Variants in RBFOX1 observed in about 807,000 individuals in gnomAD.
RBFOX1 encodes RNA binding fox-1 homolog 1.
A neutral mutation model predicts 57.7 loss-of-function variants in RBFOX1; 8 were observed. That is an observed-to-expected ratio of 0.14 (90% CI 0.08 to 0.25). The LOEUF (loss-of-function observed/expected upper bound fraction) is 0.25. Among genes scored for constraint, RBFOX1 ranks in the 10% least tolerant of loss-of-function variants. The pLI, the probability that RBFOX1 is intolerant of heterozygous loss-of-function variation, is 1.00. For synonymous variants in RBFOX1, 326 were observed against 222.4 expected, an observed-to-expected ratio of 1.47 and a Z score of -4.15; for missense variants, 611 against 548.5, an observed-to-expected ratio of 1.11 and a Z score of -1.14.
chr16:6,478,429 A>ATATATATATATATTTTTT (rs1159954387), intron 2 of RBFOX1, among the ~76,000 whole-genome samples: 1 of 24,612 alleles, frequency 4.1e-5, no homozygotes, highest in Non-Finnish European at 7.8e-5. Context: ...ATATATATAT[A>ATATATATATATATTTTTT]TTTTTTTTTT....
chr16:6,093,475 A>G (rs961248450), intron 1 of RBFOX1, among the ~76,000 whole-genome samples: 3 of 152,168 alleles, frequency 2.0e-5, no homozygotes, highest in Non-Finnish European at 4.4e-5. Flanking sequence ...AGGATACTCA[A>G]TATACTAGGA....
intron 1 of RBFOX1, among the ~76,000 whole-genome samples, chr16:6,205,399 G>C (rs748492721): frequency 1.3e-5 from 2 of 152,216 alleles, no homozygotes; most frequent in Non-Finnish European, 2.9e-5. Flanking sequence ...CAAGGTTGTC[G>C]TGACAAAGTA....
rs150581128 is a variant in RBFOX1, at chr16:6,634,491, T to A, written c.-63-20112T>A. On this transcript the variant is annotated intron_variant, in intron 2 of 15. Coordinates refer to ENST00000550418, the MANE Select transcript of RBFOX1 (RefSeq NM_018723.4). ...TAATATAATAGATGATACATACTTA[T>A]ATAATATTATATCCATTTAATAGAA... is the stretch of plus-strand genomic sequence containing the variant. Among the ~76,000 whole-genome samples the A allele has an allele frequency of 2.8e-3, 425 of 149,664 alleles. 1 individual carries two copies. Among genetic ancestry groups the A allele is most frequent in the East Asian group, 5.8e-3 (30 of 5,144 alleles).
intron 2 of RBFOX1, among the ~76,000 whole-genome samples, chr16:5,512,646 A>G (rs2043644332): frequency 6.6e-6 from 1 of 152,196 alleles, no homozygotes; most frequent in Non-Finnish European, 1.5e-5. Flanking sequence ...GTTTAGGTTC[A>G]TAAAAAGTTA....
chr16:6,783,157 A>G (rs117719116), intron 3 of RBFOX1, among the ~76,000 whole-genome samples: 1,937 of 150,724 alleles, frequency 0.013, 21 homozygotes, highest in Non-Finnish European at 0.019. Context: ...TAGGCAGCAT[A>G]TAGTTGGGTC....
intron 1 of RBFOX1, among the ~76,000 whole-genome samples, chr16:6,167,418 T>C (rs757862158): frequency 2.0e-5 from 3 of 152,238 alleles, no homozygotes; most frequent in Non-Finnish European, 4.4e-5. Context: ...GTTTAAGTGC[T>C]AACGGTAGCT....
At chr16:7,340,551 AAGTCAAGAC>A in intron 4 of RBFOX1, among the ~76,000 whole-genome samples, 1 of 152,224 alleles carries the variant, frequency 6.6e-6, no homozygotes, top group Non-Finnish European at 1.5e-5. Flanking sequence ...CAACCTAGGG[AAGTCAAGAC>A]AGTCCAACCA....
chr16:6,193,282 A>T (rs1264416882), intron 1 of RBFOX1, among the ~76,000 whole-genome samples: 2 of 149,496 alleles, frequency 1.3e-5, no homozygotes, highest in African/African-American at 4.9e-5. Context: ...GGGCTGGCCA[A>T]TCAGATTATC....
At chr16:7,328,704 T>A (rs1342739984) in intron 4 of RBFOX1, 1 of 151,094 alleles carries the variant, frequency 6.6e-6, no homozygotes, top group Non-Finnish European at 1.5e-5. Flanking sequence ...AAATCCTTGA[T>A]GGAAATCTCT....
In RBFOX1 at chr16:7,165,587, G is replaced by A. The variant is rs548274498; in HGVS notation, c.27+113489G>A. On this transcript the variant is annotated intron_variant, in intron 4 of 15. Coordinates refer to ENST00000550418, the MANE Select transcript of RBFOX1 (RefSeq NM_018723.4). ...TGGGATTACGGGCATGCACCACCAC[G>A]CCCGGCTAATTTTGTATTTTTAGTA... is the stretch of plus-strand genomic sequence containing the variant. 7.9e-5 allele frequency among the ~76,000 whole-genome samples: 12 copies of A among 151,516 alleles called. No individual in the cohort carries two copies. In the East Asian group the frequency reaches 1.6e-3, roughly 20 times the overall value.
intron 3 of RBFOX1, among the ~76,000 whole-genome samples, chr16:6,906,971 A>T (rs1042689382): frequency 6.6e-6 from 1 of 152,048 alleles, no homozygotes; most frequent in Non-Finnish European, 1.5e-5. Flanking sequence ...TGATCAGCCC[A>T]CCTCAGCTTC....
chr16:5,409,284 C>T (rs1157535149), intron 1 of RBFOX1, among the ~76,000 whole-genome samples: 2 of 152,314 alleles, frequency 1.3e-5, no homozygotes, highest in South Asian at 2.1e-4. Flanking sequence ...CTGCATACAG[C>T]CCCTAGGGGA....
intron 4 of RBFOX1, among the ~76,000 whole-genome samples, chr16:7,365,754 A>G (rs2097431232): frequency 6.6e-6 from 1 of 152,244 alleles, no homozygotes; most frequent in Admixed American, 6.5e-5. Context: ...CTGTTTTAGT[A>G]AGAGATGTAA....
chr16:6,958,831 C>T (rs924374821), intron 3 of RBFOX1, among the ~76,000 whole-genome samples: 7 of 151,992 alleles, frequency 4.6e-5, no homozygotes, highest in African/African-American at 1.4e-4. Context: ...GAGGGTGGCC[C>T]GGCATTGCTG....
chr16:7,137,362 G>C (rs913685340), intron 4 of RBFOX1, among the ~76,000 whole-genome samples: 6 of 152,178 alleles, frequency 3.9e-5, no homozygotes, highest in African/African-American at 1.4e-4. Flanking sequence ...ACTGGTGGGA[G>C]ATAATCGAAT....
At chr16:6,082,948 G>C (rs1262868163) in intron 1 of RBFOX1, among the ~76,000 whole-genome samples, 4 of 152,172 alleles carry the variant, frequency 2.6e-5, no homozygotes, top group Non-Finnish European at 4.4e-5. Flanking sequence ...TCTCAAGAGG[G>C]TCGTGCTGTA....
In RBFOX1 at chr16:7,260,154, T is replaced by C. The variant is rs546714015; in HGVS notation, c.27+208056T>C. On this transcript the variant is annotated intron_variant, in intron 4 of 15. Coordinates refer to ENST00000550418, the MANE Select transcript of RBFOX1 (RefSeq NM_018723.4). Reference sequence around the variant, plus strand: ...TAGAGGAGATAATGAATAACACTTTTATACAGAAATCAAACCAAGACTTTC... The same window carrying C: ...TAGAGGAGATAATGAATAACACTTTCATACAGAAATCAAACCAAGACTTTC... 2.0e-5 allele frequency among the ~76,000 whole-genome samples: 3 copies of C among 152,320 alleles called. No homozygotes were observed. In the East Asian group the frequency reaches 5.8e-4, roughly 29 times the overall value.
intron 4 of RBFOX1, among the ~76,000 whole-genome samples, chr16:7,142,750 T>C (rs1369354401): frequency 6.6e-6 from 1 of 152,216 alleles, no homozygotes; most frequent in African/African-American, 2.4e-5. Context: ...CTCTACTGTT[T>C]TGTATATGAC....
At chr16:7,186,994 C>CACACACAAAAAAA (rs2084002207) in intron 4 of RBFOX1, among the ~76,000 whole-genome samples, 2 of 69,290 alleles carry the variant, frequency 2.9e-5, no homozygotes, top group African/African-American at 1.3e-4. Context: ...CCCACCTCCA[C>CACACACAAAAAAA]AAAAAAAAAA....
Sources: allele counts gnomAD v4.1 joint callset (sites outside exome capture counted in the v4.1 genomes callset), GRCh38; gene constraint gnomAD v4.1.1; transcripts MANE v1.5; gene names NCBI Gene and HGNC (gene_info 2026-07-23, HGNC 2026-07-21).